WASHC3: variants seen among roughly 807,000 people sequenced by gnomAD.
WASHC3 encodes WASH complex subunit 3.
A neutral mutation model predicts 26.1 loss-of-function variants in WASHC3; 24 were observed. The ratio of observed to expected loss-of-function variants is 0.92; its 90% CI spans 0.66 to 1.29. WASHC3 has a LOEUF of 1.29. WASHC3 is among the 50% of genes most tolerant of loss of function. The pLI is 0.00. For missense variants in WASHC3, 214 were observed against 229.6 expected, an observed-to-expected ratio of 0.93 and a Z score of 0.44; for synonymous variants, 77 against 75.7, an observed-to-expected ratio of 1.02 and a Z score of -0.09.
At chr12:102,020,466 G>A (rs1031801043) in intron 6 of WASHC3, among the ~76,000 whole-genome samples, 3 of 151,894 alleles carry the variant, frequency 2.0e-5, no homozygotes, top group Non-Finnish European at 4.4e-5. Context: ...CATTATTGTT[G>A]GTTTAATTTG....
chr12:102,038,032 T>G (rs1182475947), intron 5 of WASHC3, among the ~76,000 whole-genome samples: 1 of 152,122 alleles, frequency 6.6e-6, no homozygotes, highest in African/African-American at 2.4e-5. Flanking sequence ...CGACCTCAAG[T>G]GATCCGCCCG....
At chr12:102,025,223 A>G (rs1187676092) in intron 6 of WASHC3, among the ~76,000 whole-genome samples, 1 of 152,154 alleles carries the variant, frequency 6.6e-6, no homozygotes, top group African/African-American at 2.4e-5. Flanking sequence ...ACAGCCCCAA[A>G]TTGGAAAGAT....
intron 6 of WASHC3, among the ~76,000 whole-genome samples, chr12:102,023,623 G>A (rs532885403): frequency 2.0e-5 from 3 of 152,168 alleles, no homozygotes; most frequent in South Asian, 2.1e-4. Context: ...CTGTTAACAC[G>A]GTAGTTGACT....
At position 102,036,071 on chromosome 12, in the gene WASHC3, AG is replaced by A. The variant is rs1877642269; in HGVS notation, c.435+3796del. Among the ~76,000 whole-genome samples, 5 of 152,178 alleles carry A rather than the reference AG, an allele frequency of 3.3e-5. No homozygotes were observed. The South Asian group carries it at 1.0e-3, about 32-fold the overall frequency. Reference sequence around the variant, plus strand: ...GTGGTTTTGTCTGATTAAAGAATGGAGTTCAGGGCTGGGTGTGGTGGCTCAC... The same window carrying A: ...GTGGTTTTGTCTGATTAAAGAATGGATTCAGGGCTGGGTGTGGTGGCTCAC... On this transcript the variant is annotated intron_variant, in intron 5 of 6. Coordinates refer to ENST00000240079, the MANE Select transcript of WASHC3 (RefSeq NM_016053.4).
Position 102,027,606 on chromosome 12 carries a change from C to A in WASHC3, c.436-1568G>T, listed in dbSNP as rs1877254309. On this transcript the variant is annotated intron_variant, in intron 5 of 6. Coordinates refer to ENST00000240079, the MANE Select transcript of WASHC3 (RefSeq NM_016053.4). Reference sequence around the variant, plus strand: ...AAAAAAATTTAATTTTTATTTACTTCAAAAAAACTGTCCAGAAAAGATAGC... The same window carrying A: ...AAAAAAATTTAATTTTTATTTACTTAAAAAAAACTGTCCAGAAAAGATAGC... 7.2e-5 allele frequency among the ~76,000 whole-genome samples: 11 copies of A among 151,894 alleles called. No individual in the cohort carries two copies. The South Asian group carries it at 2.3e-3, about 32-fold the overall frequency.
intron 3 of WASHC3, 65 bp downstream of exon 3, chr12:102,045,989 T>A: frequency 1.2e-6 from 1 of 862,554 alleles, no homozygotes; most frequent in Non-Finnish European, 1.9e-6. Flanking sequence ...GAAAATTAAG[T>A]ATGATTAAGA....
intron 6 of WASHC3, among the ~76,000 whole-genome samples, chr12:102,017,462 G>A (rs1289537939): frequency 3.3e-5 from 5 of 152,276 alleles, no homozygotes; most frequent in South Asian, 2.1e-4. Flanking sequence ...TTTGTGATTC[G>A]AGTAAGACTT....
chr12:102,054,335 A>G (rs1878507286), intron 2 of WASHC3, among the ~76,000 whole-genome samples: 1 of 152,242 alleles, frequency 6.6e-6, no homozygotes, highest in Non-Finnish European at 1.5e-5. Context: ...GCTGTGTACA[A>G]GAGACTCACT....
intron 6 of WASHC3, among the ~76,000 whole-genome samples, chr12:102,016,989 C>T (rs1876734554): frequency 6.6e-6 from 1 of 152,144 alleles, no homozygotes; most frequent in Non-Finnish European, 1.5e-5. Context: ...TGTATAATAA[C>T]ATCCTAGGCC....
At chr12:102,025,195 A>G (rs762157975) in intron 6 of WASHC3, among the ~76,000 whole-genome samples, 38 of 152,154 alleles carry the variant, frequency 2.5e-4, no homozygotes, top group Non-Finnish European at 4.7e-4. Context: ...TGCACAGCTA[A>G]ATACATTGGG....
intron 4 of WASHC3, among the ~76,000 whole-genome samples, chr12:102,043,075 C>A (rs1878006196): frequency 1.3e-5 from 2 of 152,102 alleles, no homozygotes; most frequent in Non-Finnish European, 2.9e-5. Flanking sequence ...TTTCTAAGAT[C>A]AGTAGCTCTC....
chr12:102,019,012 TG>T (rs1876837742), intron 6 of WASHC3, among the ~76,000 whole-genome samples: 1 of 152,160 alleles, frequency 6.6e-6, no homozygotes, highest in Admixed American at 6.5e-5. Context: ...TTGGCCAGGC[TG>T]GTCTCGAATT....
chr12:102,043,990 T>C, intron 4 of WASHC3, 115 bp downstream of exon 4: 4 of 505,614 alleles, frequency 7.9e-6, no homozygotes. Context: ...TATGTTAAGG[T>C]TTTAAAATTT....
At chr12:102,028,882 T>C (rs1210527597) in intron 5 of WASHC3, among the ~76,000 whole-genome samples, 2 of 151,922 alleles carry the variant, frequency 1.3e-5, no homozygotes, top group African/African-American at 2.4e-5. Flanking sequence ...AGCTCCAAAT[T>C]TGAACCTTAG....
At chr12:102,033,746 T>A (rs1029909782) in intron 5 of WASHC3, among the ~76,000 whole-genome samples, 3 of 150,722 alleles carry the variant, frequency 2.0e-5, no homozygotes, top group African/African-American at 7.3e-5. Context: ...CAGAAAGAGT[T>A]TTTTTTTTTG....
chr12:102,042,469 A>G (rs1207575918), intron 4 of WASHC3, among the ~76,000 whole-genome samples: 1 of 152,184 alleles, frequency 6.6e-6, no homozygotes, highest in Non-Finnish European at 1.5e-5. Context: ...AGTGTAGTGA[A>G]GCAGGTAAGT....
intron 2 of WASHC3, chr12:102,048,224 T>C (rs1275670174): frequency 1.3e-5 from 2 of 152,220 alleles, no homozygotes; most frequent in Non-Finnish European, 2.9e-5. Context: ...AAATTCTACC[T>C]TTATTTTTAT....
intron 6 of WASHC3, among the ~76,000 whole-genome samples, chr12:102,022,158 C>A (rs967736238): frequency 1.3e-5 from 2 of 152,078 alleles, no homozygotes; most frequent in African/African-American, 4.8e-5. Flanking sequence ...GAAATCTGTT[C>A]TTTACAGGAA....
At chr12:102,037,152 G>C (rs1000404136) in intron 5 of WASHC3, among the ~76,000 whole-genome samples, 1 of 152,112 alleles carries the variant, frequency 6.6e-6, no homozygotes, top group African/African-American at 2.4e-5. Context: ...CACTGAGTTA[G>C]TGTGAAAAAG....
Sources: allele counts gnomAD v4.1 joint callset (sites outside exome capture counted in the v4.1 genomes callset), GRCh38; gene constraint gnomAD v4.1.1; transcripts MANE v1.5; gene names NCBI Gene and HGNC (gene_info 2026-07-23, HGNC 2026-07-21).